Variants in OLFM3 observed in about 807,000 individuals in gnomAD.
OLFM3 encodes olfactomedin 3.
A neutral mutation model predicts 48.6 loss-of-function variants in OLFM3; 20 were observed. The observed-to-expected ratio is 0.41, with a 90% CI of 0.29 to 0.60. OLFM3 has a LOEUF of 0.60. Ranked by LOEUF, OLFM3 falls within the 20% of genes least tolerant of loss-of-function variation. OLFM3 has a pLI of 0.28. For synonymous variants in OLFM3, 222 were observed against 198.1 expected (o/e 1.12, Z -1.01); for missense variants, 437 against 544.3 (o/e 0.80, Z 1.96).
At chr1:101,815,454 GAA>G (rs71088110) in intron 4 of OLFM3, among the ~76,000 whole-genome samples, 7,200 of 128,030 alleles carry the variant, frequency 0.056, 599 homozygotes, top group African/African-American at 0.19. Context: ...CTCAAAAAAA[GAA>G]AAAAAAAAAA....
chr1:101,882,960 C>T (rs1162345249), intron 1 of OLFM3: 1 of 151,856 alleles, frequency 6.6e-6, no homozygotes, highest in Non-Finnish European at 1.5e-5. Flanking sequence ...TATCTACTTA[C>T]CCCAAAGAAT....
chr1:101,968,561 AC>A (rs955251020), intron 1 of OLFM3, among the ~76,000 whole-genome samples: 4 of 146,118 alleles, frequency 2.7e-5, no homozygotes, highest in Non-Finnish European at 6.0e-5. Context: ...AGGCATTAGT[AC>A]CCCTTCCTCA....
At chr1:101,949,791 G>A (rs1660066991) in intron 1 of OLFM3, among the ~76,000 whole-genome samples, 3 of 151,960 alleles carry the variant, frequency 2.0e-5, no homozygotes, top group South Asian at 4.2e-4. Context: ...TCAGCCGGGC[G>A]TCGTGGTGGG....
At chr1:101,935,241 GA>G (rs922066667) in intron 1 of OLFM3, among the ~76,000 whole-genome samples, 6 of 138,490 alleles carry the variant, frequency 4.3e-5, no homozygotes, top group African/African-American at 1.3e-4. Flanking sequence ...GACTAATGAA[GA>G]AAAAAAAAGA....
intron 1 of OLFM3, among the ~76,000 whole-genome samples, chr1:101,980,675 G>T (rs1023260632): frequency 1.3e-5 from 2 of 152,136 alleles, no homozygotes; most frequent in African/African-American, 4.8e-5. Flanking sequence ...GTGTGAGAAT[G>T]GACTAACACA....
At chr1:101,839,277 A>T (rs1355342135) in intron 1 of OLFM3, among the ~76,000 whole-genome samples, 1 of 152,154 alleles carries the variant, frequency 6.6e-6, no homozygotes, top group Non-Finnish European at 1.5e-5. Context: ...GGATGGAAAG[A>T]TGTACTTAGA....
intron 1 of OLFM3, among the ~76,000 whole-genome samples, chr1:101,922,873 C>T (rs1280259788): frequency 2.0e-5 from 3 of 152,108 alleles, no homozygotes; most frequent in African/African-American, 4.8e-5. Context: ...TAATTGCTAA[C>T]ATATTTAGAG....
chr1:101,855,870 G>A (rs1416921230), intron 1 of OLFM3, among the ~76,000 whole-genome samples: 1 of 151,010 alleles, frequency 6.6e-6, no homozygotes, highest in African/African-American at 2.5e-5. Flanking sequence ...CTGTTTCAGT[G>A]GTTGTGTGAA....
chr1:101,857,091 T>C (rs1043856536), intron 1 of OLFM3, among the ~76,000 whole-genome samples: 4 of 152,036 alleles, frequency 2.6e-5, no homozygotes, highest in African/African-American at 9.7e-5. Flanking sequence ...CTTGGTCCTA[T>C]ACTCCAAAAG....
chr1:101,950,581 A>G (rs1361515319), intron 1 of OLFM3, among the ~76,000 whole-genome samples: 4 of 151,536 alleles, frequency 2.6e-5, no homozygotes, highest in Non-Finnish European at 4.4e-5. Context: ...TGGGACTACA[A>G]GCGCCTGCCA....
chr1:101,927,003 A>G (rs940174281), intron 1 of OLFM3, among the ~76,000 whole-genome samples: 1 of 152,194 alleles, frequency 6.6e-6, no homozygotes, highest in Non-Finnish European at 1.5e-5. Flanking sequence ...TGAATGAATG[A>G]TGCAGCGCTT....
chr1:101,988,936 A>G (rs1245845331), intron 1 of OLFM3, among the ~76,000 whole-genome samples: 4 of 152,106 alleles, frequency 2.6e-5, no homozygotes, highest in African/African-American at 7.2e-5. Context: ...AGGAAATCCA[A>G]TTCAACTTTT....
intron 1 of OLFM3, among the ~76,000 whole-genome samples, chr1:101,906,142 A>C (rs1051110782): frequency 2.0e-5 from 3 of 152,072 alleles, no homozygotes; most frequent in African/African-American, 7.2e-5. Flanking sequence ...ATTCCATAGA[A>C]ACCAGAGTCT....
At chr1:101,936,902 T>C (rs529264501) in intron 1 of OLFM3, among the ~76,000 whole-genome samples, 27 of 152,122 alleles carry the variant, frequency 1.8e-4, no homozygotes, top group African/African-American at 5.8e-4. Context: ...GGTATAAGTG[T>C]TTAGCCACAT....
intron 1 of OLFM3, among the ~76,000 whole-genome samples, chr1:101,958,150 T>C (rs1660354683): frequency 6.6e-6 from 1 of 152,102 alleles, no homozygotes; most frequent in Admixed American, 6.6e-5. Context: ...TTTAAAGGCA[T>C]AGCAGGAAAA....
intron 1 of OLFM3, among the ~76,000 whole-genome samples, chr1:101,932,413 T>A (rs1438200426): frequency 1.3e-5 from 2 of 152,102 alleles, no homozygotes; most frequent in Non-Finnish European, 2.9e-5. Context: ...TATGAGCAGA[T>A]CTTCGGAGGA....
At chr1:101,869,481 G>A (rs939368057) in intron 1 of OLFM3, among the ~76,000 whole-genome samples, 1 of 152,086 alleles carries the variant, frequency 6.6e-6, no homozygotes, top group Non-Finnish European at 1.5e-5. Context: ...ACAGGCTCAT[G>A]GGTGGAAAGG....
At chr1:101,951,948 C>G (rs1010708485) in intron 1 of OLFM3, among the ~76,000 whole-genome samples, 4 of 151,962 alleles carry the variant, frequency 2.6e-5, no homozygotes. Flanking sequence ...GATAATTTTT[C>G]TTTTAAATAA....
chr1:101,990,989 T>TAAAA (rs58481588), intron 1 of OLFM3, among the ~76,000 whole-genome samples: 304 of 8,896 alleles, frequency 0.034, 67 homozygotes, highest in East Asian at 0.22. Flanking sequence ...TGTCAAAAAG[T>TAAAA]AAAAAAAAAA....
Sources: allele counts gnomAD v4.1 joint callset (sites outside exome capture counted in the v4.1 genomes callset), GRCh38; gene constraint gnomAD v4.1.1; transcripts MANE v1.5; gene names NCBI Gene and HGNC (gene_info 2026-07-23, HGNC 2026-07-21).